The following PRRX1 variants were observed in gnomAD, a reference collection of about 807,000 sequenced individuals.
The protein encoded by PRRX1 is paired related homeobox 1.
Under a neutral mutation model 24.0 loss-of-function variants are expected in PRRX1, and 8 were observed. The observed-to-expected ratio is 0.33, with a 90% CI of 0.20 to 0.60. PRRX1 has a LOEUF of 0.60. Ranked by LOEUF, PRRX1 falls within the 20% of genes least tolerant of loss-of-function variation. The pLI is 0.82. For missense variants in PRRX1, 281 were observed against 322.4 expected (o/e 0.87, Z 0.98); for synonymous variants, 160 against 131.7 (o/e 1.22, Z -1.47).
At chr1:170,678,243 G>C (rs1400986834) in intron 1 of PRRX1, among the ~76,000 whole-genome samples, 1 of 152,200 alleles carries the variant, frequency 6.6e-6, no homozygotes, top group Non-Finnish European at 1.5e-5. Context: ...GATAAGCCTG[G>C]AAGACATACA....
chr1:170,701,785 C>T (rs1352919135), intron 1 of PRRX1, among the ~76,000 whole-genome samples: 1 of 152,092 alleles, frequency 6.6e-6, no homozygotes, highest in Non-Finnish European at 1.5e-5. Context: ...CTGATACATG[C>T]ATGCAATGTC....
chr1:170,666,049 C>T (rs1652914514), intron 1 of PRRX1, among the ~76,000 whole-genome samples: 1 of 152,230 alleles, frequency 6.6e-6, no homozygotes, highest in Admixed American at 6.5e-5. Context: ...TGCATAGGCA[C>T]TCTTAGTTCT....
At position 170,702,824 on chromosome 1, in the gene PRRX1, AG is replaced by A. The variant is rs1350816341; in HGVS notation, c.242-16900del. 5.9e-5 allele frequency among the ~76,000 whole-genome samples: 9 copies of A among 152,336 alleles called. No homozygotes were observed. The East Asian group carries it at 1.7e-3, about 29-fold the overall frequency. On this transcript the variant is annotated intron_variant, in intron 1 of 3. Transcript: ENST00000239461. Reference sequence around the variant, plus strand: ...AGTGTTTTTTAAAACCCAGAAAGCTAGGTTGCAGCATTTCAATAATTTACGA... The same window carrying A: ...AGTGTTTTTTAAAACCCAGAAAGCTAGTTGCAGCATTTCAATAATTTACGA...
intron 1 of PRRX1, among the ~76,000 whole-genome samples, chr1:170,674,051 A>G (rs1020556313): frequency 2.6e-5 from 4 of 152,238 alleles, no homozygotes; most frequent in African/African-American, 4.8e-5. Flanking sequence ...CATGTAAAAA[A>G]TCATGTCATG....
At chr1:170,730,542 G>T (rs1252617158) in intron 3 of PRRX1, 1 of 571,200 alleles carries the variant, frequency 1.8e-6, no homozygotes, top group Non-Finnish European at 3.1e-6. Context: ...CTAATCTAGA[G>T]CAGGGCTCTT....
intron 1 of PRRX1, among the ~76,000 whole-genome samples, chr1:170,691,599 A>T (rs1383705698): frequency 3.1e-5 from 4 of 129,744 alleles, no homozygotes; most frequent in Non-Finnish European, 5.0e-5. Context: ...GTTCTTTTTA[A>T]TATTTTTGTT....
chr1:170,699,044 G>T (rs1654265676), intron 1 of PRRX1, among the ~76,000 whole-genome samples: 1 of 152,152 alleles, frequency 6.6e-6, no homozygotes, highest in African/African-American at 2.4e-5. Flanking sequence ...TGATAAATAG[G>T]GCTTTTAAAG....
At position 170,687,544 on chromosome 1, in the gene PRRX1, G is replaced by A. The variant is rs528470249; in HGVS notation, c.241+23085G>A. Among the ~76,000 whole-genome samples the A allele has an allele frequency of 1.1e-4, 17 of 152,234 alleles. No individual in the cohort carries two copies. The South Asian group carries it at 2.9e-3, about 26-fold the overall frequency. The stretch of plus-strand genomic sequence containing the variant: ...CGTCACTTAATTGTTCTATGAAGTC[G>A]CCCTCTGAGCCTCACTTTCCTTTTC... On this transcript the variant is annotated intron_variant, in intron 1 of 3. Coordinates refer to ENST00000239461, the MANE Select transcript of PRRX1 (RefSeq NM_022716.4).
At chr1:170,675,219 T>C (rs910944936) in intron 1 of PRRX1, among the ~76,000 whole-genome samples, 2 of 152,182 alleles carry the variant, frequency 1.3e-5, no homozygotes, top group African/African-American at 4.8e-5. Flanking sequence ...TTCTTTTCCT[T>C]TTCTGCTTGT....
intron 1 of PRRX1, among the ~76,000 whole-genome samples, chr1:170,702,775 G>A (rs772348093): frequency 1.4e-4 from 21 of 152,166 alleles, no homozygotes; most frequent in Non-Finnish European, 2.9e-4. Flanking sequence ...AATGGCAATA[G>A]CAGAGTGTTT....
At chr1:170,687,418 C>G (rs1218833363) in intron 1 of PRRX1, among the ~76,000 whole-genome samples, 1 of 152,142 alleles carries the variant, frequency 6.6e-6, no homozygotes, top group Non-Finnish European at 1.5e-5. Context: ...TGAATTCTGT[C>G]TTTTCTTTCC....
At chr1:170,723,550 A>G (rs1008074360) in intron 2 of PRRX1, among the ~76,000 whole-genome samples, 1 of 152,246 alleles carries the variant, frequency 6.6e-6, no homozygotes, top group Non-Finnish European at 1.5e-5. Flanking sequence ...AATGAGTAGA[A>G]TTCCATAGCA....
intron 1 of PRRX1, among the ~76,000 whole-genome samples, chr1:170,706,254 T>C (rs1017115353): frequency 6.6e-6 from 1 of 152,224 alleles, no homozygotes; most frequent in African/African-American, 2.4e-5. Flanking sequence ...AATTACACAG[T>C]GTCTAGTTAA....
intron 1 of PRRX1, among the ~76,000 whole-genome samples, chr1:170,666,017 C>T (rs987673578): frequency 1.1e-4 from 16 of 152,240 alleles, no homozygotes; most frequent in African/African-American, 3.6e-4. Context: ...AGAGGCTGCA[C>T]CCGCAGCATT....
At chr1:170,694,810 C>A (rs1654112181) in intron 1 of PRRX1, among the ~76,000 whole-genome samples, 1 of 152,098 alleles carries the variant, frequency 6.6e-6, no homozygotes, top group African/African-American at 2.4e-5. Flanking sequence ...AACAGCTGTG[C>A]TTGAAGTGGC....
intron 3 of PRRX1, 43 bp from the exon 4 acceptor site, chr1:170,736,005 C>T (rs1655589209): frequency 6.2e-7 from 1 of 1,612,790 alleles, no homozygotes; most frequent in Admixed American, 1.7e-5. Context: ...CTTTGTGAAA[C>T]TAATGCCTGT....
intron 1 of PRRX1, among the ~76,000 whole-genome samples, chr1:170,713,691 A>T (rs535818455): frequency 2.6e-5 from 4 of 152,318 alleles, no homozygotes; most frequent in African/African-American, 9.6e-5. Context: ...ATGTAATTTC[A>T]CACTTCTTAG....
In PRRX1 at chr1:170,716,335, A is replaced by T. The variant is rs780476134; in HGVS notation, c.242-3391A>T. On this transcript the variant is annotated intron_variant, in intron 1 of 3. Coordinates refer to ENST00000239461, the MANE Select transcript of PRRX1 (RefSeq NM_022716.4). ...AGCAGTGGCTCACGCCTGTAATCCC[A>T]GCACTTTGGGAGGCCGAGGCAGGTG... 6.6e-4 allele frequency among the ~76,000 whole-genome samples: 101 copies of T among 152,358 alleles called. No individual in the cohort carries two copies. The Middle Eastern group carries it at 0.017, about 26-fold the overall frequency.
At chr1:170,697,916 A>G (rs1204126310) in intron 1 of PRRX1, among the ~76,000 whole-genome samples, 1 of 150,604 alleles carries the variant, frequency 6.6e-6, no homozygotes, top group African/African-American at 2.4e-5. Flanking sequence ...GTTCTTTTGT[A>G]TTATTAAAAG....
Sources: gnomAD v4.1 joint callset for allele counts (sites outside exome capture counted in the v4.1 genomes callset) on GRCh38, gnomAD v4.1.1 for gene constraint, MANE v1.5 for transcripts, NCBI Gene and HGNC (gene_info 2026-07-23, HGNC 2026-07-21) for gene names.